AGBL1: variants seen among roughly 807,000 people sequenced by gnomAD.
The protein encoded by AGBL1 is cytosolic carboxypeptidase 4.
A neutral mutation model predicts 118.9 loss-of-function variants in AGBL1; 130 were observed. The ratio of observed to expected loss-of-function variants is 1.09; its 90% confidence interval spans 0.95 to 1.26. The LOEUF (loss-of-function observed/expected upper bound fraction) is 1.26, where lower values mean the gene tolerates loss of function less well. Among genes scored for constraint, AGBL1 ranks in the 50% most tolerant of loss-of-function variants. The pLI is 0.00. For synonymous variants in AGBL1, 555 were observed against 478.9 expected (o/e 1.16, Z -2.08); for missense variants, 1,584 against 1,298.1 (o/e 1.22, Z -3.38).
At chr15:86,466,099 A>G (rs1333173001) in intron 18 of AGBL1, among the ~76,000 whole-genome samples, 2 of 152,216 alleles carry the variant, frequency 1.3e-5, no homozygotes, top group East Asian at 1.9e-4. Flanking sequence ...CTTAGGGAAA[A>G]TAGAAAAGAA....
intron 18 of AGBL1, among the ~76,000 whole-genome samples, chr15:86,466,198 TC>T (rs1167816830): frequency 1.3e-5 from 2 of 152,348 alleles, no homozygotes; most frequent in African/African-American, 4.8e-5. Flanking sequence ...TCCTTTTCAT[TC>T]TTTTTTCTCT....
intron 16 of AGBL1, among the ~76,000 whole-genome samples, chr15:86,291,064 C>T (rs1413853860): frequency 1.3e-5 from 2 of 152,046 alleles, no homozygotes; most frequent in African/African-American, 2.4e-5. Flanking sequence ...TGTATATGTG[C>T]CACATTTTCT....
intron 5 of AGBL1, among the ~76,000 whole-genome samples, chr15:86,214,570 C>T (rs1379281638): frequency 2.6e-5 from 4 of 152,198 alleles, no homozygotes; most frequent in African/African-American, 9.6e-5. Context: ...AGAGTCACAC[C>T]TCTATGTAGA....
intron 5 of AGBL1, 41 bp from the exon 6 acceptor site, chr15:86,224,873 C>G (rs1472167800): frequency 1.2e-6 from 2 of 1,606,204 alleles, no homozygotes; most frequent in Non-Finnish European, 1.7e-6. Flanking sequence ...GAGAAAAAGA[C>G]CATTGAATGT....
chr15:86,776,223 A>G (rs2078253367), intron 22 of AGBL1, among the ~76,000 whole-genome samples: 1 of 152,132 alleles, frequency 6.6e-6, no homozygotes, highest in African/African-American at 2.4e-5. Context: ...CATTTTCTTT[A>G]CTGAGAGACA....
intron 17 of AGBL1, among the ~76,000 whole-genome samples, chr15:86,364,295 G>A (rs8026173): frequency 0.04 from 6,147 of 152,212 alleles, 390 homozygotes; most frequent in African/African-American, 0.14. Context: ...AACTCACTGT[G>A]GGCCAGGCAT....
rs112557556 is a variant in AGBL1, at chr15:86,248,153, T to C, written c.735+274T>C. Among the ~76,000 whole-genome samples, 895 of 152,194 alleles carry C rather than the reference T, an allele frequency of 5.9e-3. 7 individuals are homozygous for C. The highest frequency in any genetic ancestry group is 0.021 in the African/African-American group (858 of 41,542). On this transcript the variant is annotated intron_variant, in intron 7 of 22. Coordinates refer to ENST00000614907, the MANE Select transcript of AGBL1 (RefSeq NM_001386094.1). ...CCAACATGGTGAAACCCCGTGTTTA[T>C]TAAAAATACAAAAATTAGCTGGGTG...
chr15:86,342,203 C>G (rs2080471542), intron 17 of AGBL1, among the ~76,000 whole-genome samples: 1 of 152,166 alleles, frequency 6.6e-6, no homozygotes, highest in Admixed American at 6.5e-5. Flanking sequence ...TGAGCACTGT[C>G]TAAGCTTTTT....
intron 21 of AGBL1, among the ~76,000 whole-genome samples, chr15:86,665,765 A>G (rs11073653): frequency 1.3e-5 from 2 of 149,888 alleles, no homozygotes; most frequent in Non-Finnish European, 3.0e-5. Flanking sequence ...ATCAAAATAA[A>G]TTTTTTTTTT....
chr15:86,472,163 C>A (rs1488835921), intron 18 of AGBL1, among the ~76,000 whole-genome samples: 1 of 152,140 alleles, frequency 6.6e-6, no homozygotes, highest in Non-Finnish European at 1.5e-5. Context: ...TTATGACCTC[C>A]AGAAGTGTGA....
chr15:86,859,169 C>G (rs980548499), intron 22 of AGBL1, among the ~76,000 whole-genome samples: 1 of 152,058 alleles, frequency 6.6e-6, no homozygotes, highest in Non-Finnish European at 1.5e-5. Flanking sequence ...CTCAGAGGAA[C>G]TAATATATGA....
rs1486127783 is a variant in AGBL1, at chr15:86,622,419, T to C, written c.2995-51854T>C. 7.3e-5 allele frequency among the ~76,000 whole-genome samples: 11 copies of C among 151,558 alleles called. No individual in the cohort carries two copies. In the East Asian group the frequency reaches 2.1e-3, roughly 29 times the overall value. ...CTATAAATATTTACTGAGCAACTAC[T>C]AAGTACTAAACACTGACCAAAAGAG... On this transcript the variant is annotated intron_variant, in intron 21 of 22. Transcript: ENST00000614907.
intron 7 of AGBL1, among the ~76,000 whole-genome samples, chr15:86,256,590 A>C (rs959521628): frequency 7.2e-5 from 11 of 152,218 alleles, no homozygotes; most frequent in African/African-American, 2.7e-4. Context: ...CTGTATTCAG[A>C]CTGAATTCAT....
At chr15:86,916,257 G>C (rs2080420957), downstream of AGBL1, 1 of 152,184 alleles carries the variant, frequency 6.6e-6, no homozygotes, top group African/African-American at 2.4e-5. Flanking sequence ...CGTGTCCCTT[G>C]CTTCATTGCT....
intron 21 of AGBL1, among the ~76,000 whole-genome samples, chr15:86,644,948 G>C (rs1457525705): frequency 2.0e-5 from 3 of 152,044 alleles, no homozygotes; most frequent in African/African-American, 4.8e-5. Flanking sequence ...TTAAACCGAG[G>C]AGGCGGAGGT....
At chr15:86,453,781 T>C (rs1299309323) in intron 18 of AGBL1, among the ~76,000 whole-genome samples, 2 of 152,174 alleles carry the variant, frequency 1.3e-5, no homozygotes, top group African/African-American at 4.8e-5. Context: ...AACTTTGTAA[T>C]AAAAGCACCG....
Position 86,767,918 on chromosome 15 carries a change from T to G in AGBL1, c.3158+93482T>G, listed in dbSNP as rs186077395. 2.0e-5 allele frequency among the ~76,000 whole-genome samples: 3 copies of G among 152,066 alleles called. No individual in the cohort carries two copies. The East Asian group carries it at 5.8e-4, about 30-fold the overall frequency. ...ATGTGAAAATTTGCATAACTCAACC[T>G]TTTTGGATTTTATTTTCCTTGATTA... On this transcript the variant is annotated intron_variant, in intron 22 of 22. Transcript: ENST00000614907.
intron 18 of AGBL1, among the ~76,000 whole-genome samples, chr15:86,496,750 A>G (rs1413444385): frequency 6.6e-6 from 1 of 152,026 alleles, no homozygotes; most frequent in African/African-American, 2.4e-5. Context: ...CAATGTACAT[A>G]CATACAATTG....
intron 22 of AGBL1, among the ~76,000 whole-genome samples, chr15:86,753,005 A>G (rs898971118): frequency 2.6e-5 from 4 of 152,046 alleles, no homozygotes; most frequent in Non-Finnish European, 5.9e-5. Context: ...CCTTCTAAAA[A>G]CAAGGCACTG....
Sources: allele counts gnomAD v4.1 joint callset (sites outside exome capture counted in the v4.1 genomes callset), GRCh38; gene constraint gnomAD v4.1.1; transcripts MANE v1.5; gene names NCBI Gene and HGNC (gene_info 2026-07-23, HGNC 2026-07-21).